Variants in FAM120A observed in about 807,000 individuals in gnomAD.
FAM120A encodes constitutive coactivator of PPAR-gamma-like protein 1.
Under a neutral mutation model 109.7 loss-of-function variants are expected in FAM120A, and 15 were observed. That is an observed-to-expected ratio of 0.14 (90% CI 0.09 to 0.21). The LOEUF (loss-of-function observed/expected upper bound fraction) is 0.21, where lower values mean the gene tolerates loss of function less well. Ranked by LOEUF, FAM120A falls within the 10% of genes least tolerant of loss-of-function variation. The probability of loss-of-function intolerance (pLI) is 1.00; values close to 1 mark genes in which losing one functional copy is unlikely to be tolerated. For synonymous variants in FAM120A, 493 were observed against 572.8 expected (o/e 0.86, Z 1.99); for missense variants, 899 against 1,439.3 (o/e 0.62, Z 6.07).
intron 11 of FAM120A, among the ~76,000 whole-genome samples, chr9:93,549,055 A>C (rs528062397): frequency 2.8e-4 from 43 of 151,150 alleles, no homozygotes; most frequent in African/African-American, 8.9e-4. Flanking sequence ...AAAAAACAAA[A>C]CAAAAACAAA....
At chr9:93,558,557 C>T in intron 14 of FAM120A, 24 bp from the exon 15 acceptor site, 2 of 1,613,246 alleles carry the variant, frequency 1.2e-6, no homozygotes, top group Non-Finnish European at 1.7e-6. Context: ...CTTCTCCCCT[C>T]TCTCTCTACC....
chr9:93,456,824 T>C (rs1304623878), intron 1 of FAM120A, among the ~76,000 whole-genome samples: 5 of 152,202 alleles, frequency 3.3e-5, no homozygotes, highest in Non-Finnish European at 7.3e-5. Flanking sequence ...CTAGTTAGGA[T>C]AGGAACAGTC....
chr9:93,493,792 C>G lies in FAM120A; in HGVS notation c.805-3679C>G, dbSNP rs1445491360. Among the ~76,000 whole-genome samples the G allele has an allele frequency of 9.2e-5, 14 of 152,178 alleles. 2 individuals carry two copies. The highest frequency in any genetic ancestry group is 3.4e-4 in the African/African-American group (14 of 41,426). On this transcript the variant is annotated intron_variant, in intron 3 of 17. Transcript: ENST00000277165. ...GGGTTTTGGGCAGAGTCCCAGGAGC[C>G]AAAGGGCCACTCAGGAAAGGCTGAA...
intron 7 of FAM120A, among the ~76,000 whole-genome samples, chr9:93,518,654 T>G (rs1860712347): frequency 6.6e-6 from 1 of 151,894 alleles, no homozygotes; most frequent in African/African-American, 2.4e-5. Context: ...CCCTGACGAG[T>G]GCGTGAAGAA....
At chr9:93,551,059 A>G (rs1288229164) in intron 12 of FAM120A, among the ~76,000 whole-genome samples, 1 of 152,190 alleles carries the variant, frequency 6.6e-6, no homozygotes, top group African/African-American at 2.4e-5. Flanking sequence ...ATTTTCTAAC[A>G]TCTAGCAAGG....
At chr9:93,456,913 T>C (rs1857571652) in intron 1 of FAM120A, among the ~76,000 whole-genome samples, 1 of 152,238 alleles carries the variant, frequency 6.6e-6, no homozygotes, top group Non-Finnish European at 1.5e-5. Flanking sequence ...GGACCTTTAA[T>C]TGACTGGAAG....
chr9:93,461,307 G>T (rs1164042414), intron 1 of FAM120A, among the ~76,000 whole-genome samples: 1 of 152,138 alleles, frequency 6.6e-6, no homozygotes, highest in African/African-American at 2.4e-5. Context: ...CATCCTCTGA[G>T]GTAGAGCACA....
chr9:93,535,972 T>A (rs1302612357), intron 10 of FAM120A, among the ~76,000 whole-genome samples: 4 of 152,232 alleles, frequency 2.6e-5, no homozygotes, highest in Non-Finnish European at 5.9e-5. Context: ...GGCCATTGAT[T>A]TAAACTTCAT....
At chr9:93,467,135 G>A (rs1858061203) in intron 1 of FAM120A, among the ~76,000 whole-genome samples, 1 of 151,754 alleles carries the variant, frequency 6.6e-6, no homozygotes, top group Non-Finnish European at 1.5e-5. Context: ...ATGTACAATT[G>A]TATGAGTTTC....
chr9:93,456,114 A>G (rs1179008405), intron 1 of FAM120A, among the ~76,000 whole-genome samples: 4 of 152,206 alleles, frequency 2.6e-5, no homozygotes, highest in Non-Finnish European at 2.9e-5. Flanking sequence ...ACTTTGGCCT[A>G]TGTATTGACT....
chr9:93,471,644 T>C lies in FAM120A; in HGVS notation c.721+257T>C, dbSNP rs150760878. 2.5e-3 allele frequency among the ~76,000 whole-genome samples: 379 copies of C among 152,368 alleles called. 4 individuals are homozygous for C. Among genetic ancestry groups the C allele is most frequent in the Non-Finnish European group, 4.1e-3 (281 of 68,026 alleles). On this transcript the variant is annotated intron_variant, in intron 2 of 17. Transcript: ENST00000277165. The stretch of plus-strand genomic sequence containing the variant: ...CAGATTAATTTTGTGAAAAAACTCA[T>C]TTAAGGTTTTGGAAAACTAACATTC...
chr9:93,479,319 C>G (rs1018582818), intron 3 of FAM120A, among the ~76,000 whole-genome samples: 2 of 151,866 alleles, frequency 1.3e-5, no homozygotes, highest in Non-Finnish European at 2.9e-5. Flanking sequence ...GGGATGGTCT[C>G]GATCTCCTGA....
rs1857329387 is a variant in FAM120A at position 93,452,797 on chromosome 9, G to C, written c.474+408G>C. Reference sequence around the variant, plus strand: ...TTTAGCCTGTTCTTTCCCAGCAACAGGTTCATCTTGGAAGCAGGCAGGATA... The same window carrying C: ...TTTAGCCTGTTCTTTCCCAGCAACACGTTCATCTTGGAAGCAGGCAGGATA... On this transcript the variant is annotated intron_variant, in intron 1 of 17. Coordinates refer to ENST00000277165, the MANE Select transcript of FAM120A (RefSeq NM_014612.5). This position sits in a 1 kb window ranked among gnomAD's most constrained non-coding sequence, Gnocchi z 7.0. The C allele has an allele frequency of 6.3e-7, 1 of 1,589,044 alleles. No homozygotes were observed. Among genetic ancestry groups the C allele is most frequent in the Non-Finnish European group, 8.5e-7 (1 of 1,176,054 alleles).
intron 1 of FAM120A, among the ~76,000 whole-genome samples, chr9:93,467,247 C>CA (rs2131242011): frequency 8.1e-5 from 1 of 12,366 alleles, no homozygotes; most frequent in Admixed American, 7.5e-4. Context: ...TCTGCTGTCA[C>CA]CCCCCCCCCC....
At chr9:93,543,082 G>T (rs1378150702) in intron 10 of FAM120A, 140 bp from the exon 11 acceptor site, 3 of 1,008,928 alleles carry the variant, frequency 3.0e-6, no homozygotes, top group Non-Finnish European at 4.4e-6. Flanking sequence ...TTGATGATTG[G>T]TAGTTTTGCT....
chr9:93,468,802 T>G (rs1267009537), intron 1 of FAM120A, among the ~76,000 whole-genome samples: 1 of 152,256 alleles, frequency 6.6e-6, no homozygotes, highest in Non-Finnish European at 1.5e-5. Context: ...ATTAGTTTCT[T>G]AGGCTCTATT....
chr9:93,467,766 T>C (rs1858113653), intron 1 of FAM120A, among the ~76,000 whole-genome samples: 1 of 152,232 alleles, frequency 6.6e-6, no homozygotes, highest in African/African-American at 2.4e-5. Flanking sequence ...TTGTTTGCTT[T>C]TTAATGCCAA....
chr9:93,543,428 G>A lies in FAM120A; in HGVS notation c.2116G>A (p.Ala706Thr). Residue 706 changes from alanine (A) to threonine (T), a missense_variant, in exon 11 of 18, where the codon GCC (alanine) becomes ACC (threonine). Transcript: ENST00000277165. The part of the protein sequence containing the change: ...RSDTPAMLNP[A>T]NVPTHLMVLC... ...GGACACCCCAGCCATGCTCAACCCT[G>A]CCAACGTGCCCACTCACCTCATGGT... 6.2e-7 allele frequency: 1 copy of A among 1,614,132 alleles called. No individual in the cohort carries two copies. Among genetic ancestry groups the A allele is most frequent in the Non-Finnish European group, 8.5e-7 (1 of 1,180,018 alleles).
At position 93,518,320 on chromosome 9, in the gene FAM120A, A is replaced by G. The variant is rs372182829; in HGVS notation, c.1418+2051A>G. Among the ~76,000 whole-genome samples, 799 of 152,248 alleles carry G rather than the reference A, an allele frequency of 5.2e-3. 10 individuals are homozygous for G. Among genetic ancestry groups the G allele is most frequent in the African/African-American group, 0.018 (764 of 41,542 alleles). ...AGTAGAGACAGTGTTCATGATTTTC[A>G]GCAAGGGTTCTAGTGTGTTGAATTG... On this transcript the variant is annotated intron_variant, in intron 7 of 17. Coordinates refer to ENST00000277165, the MANE Select transcript of FAM120A (RefSeq NM_014612.5).
Sources: allele counts gnomAD v4.1 joint callset (sites outside exome capture counted in the v4.1 genomes callset), GRCh38; gene constraint gnomAD v4.1.1; non-coding constraint Gnocchi (gnomAD v3.1); transcripts MANE v1.5; gene names NCBI Gene and HGNC (gene_info 2026-07-23, HGNC 2026-07-21).